SIDT2: variants seen among roughly 807,000 people sequenced by gnomAD.
SIDT2 encodes the protein SID1 transmembrane family, member 2.
In SIDT2, 68 loss-of-function variants were observed where a neutral mutation model predicts 114.4. The ratio of observed to expected loss-of-function variants is 0.59; its 90% CI spans 0.49 to 0.73. SIDT2 has a LOEUF of 0.73. Ranked by LOEUF, SIDT2 falls within the 30% of genes least tolerant of loss-of-function variation. SIDT2 has a pLI of 0.00. For missense variants in SIDT2, 918 were observed against 1,097.1 expected (o/e 0.84, Z 2.31); for synonymous variants, 470 against 438.4 (o/e 1.07, Z -0.90).
chr11:117,192,826 A>G lies in SIDT2; in HGVS notation c.2065A>G (p.Met689Val). Reference protein sequence around the residue: ...QCSGPLYVDRMVLLVMGNVIN... With the variant: ...QCSGPLYVDRVVLLVMGNVIN... Reference sequence around the variant, plus strand: ...TGTCCCTGCTTCCCTCCAGGACCGCATGGTGCTGCTGGTCATGGGCAACGT... The same window carrying G: ...TGTCCCTGCTTCCCTCCAGGACCGCGTGGTGCTGCTGGTCATGGGCAACGT... Residue 689 changes from methionine (M) to valine (V), a missense_variant, in exon 22 of 26, where the codon ATG becomes GTG. By Grantham distance (21) the Met-to-Val change is conservative (BLOSUM62 1). Around this residue, in one of 4 missense-constraint regions of SIDT2, gnomAD observed 275 missense variants for 397.6 expected, o/e 0.69. Coordinates refer to ENST00000324225, the MANE Select transcript of SIDT2 (RefSeq NM_001040455.2). The surrounding 1 kb of genome is among the most constrained non-coding windows in gnomAD (Gnocchi z 5.9). 1 of 1,614,050 alleles carries G rather than the reference A, an allele frequency of 6.2e-7. No individual in the cohort carries two copies. The highest frequency in any genetic ancestry group is 8.5e-7 in the Non-Finnish European group (1 of 1,180,012).
In SIDT2 at chr11:117,190,507, C is replaced by T. The variant is rs780818905; in HGVS notation, c.1618-116C>T. The T allele has an allele frequency of 5.6e-6, 6 of 1,078,918 alleles. No individual in the cohort carries two copies. Among genetic ancestry groups the T allele is most frequent in the East Asian group, 2.6e-5 (1 of 37,794 alleles). 66.8% of individuals were successfully genotyped at this position (1,078,918 alleles called of 1,614,324 possible). ...CAGCCCACCCCTGCACACCCACACT[C>T]GACACATACCCCACCCCTTTTCCTC... On this transcript the variant is annotated intron_variant, in intron 17 of 25. Coordinates refer to ENST00000324225, the MANE Select transcript of SIDT2 (RefSeq NM_001040455.2). The surrounding 1 kb of genome is among the most constrained non-coding windows in gnomAD (Gnocchi z 4.1).
At position 117,184,069 on chromosome 11, in the gene SIDT2, T is replaced by G. The variant is rs1363553159; in HGVS notation, c.803-5T>G. 6.2e-7 allele frequency: 1 copy of G among 1,613,960 alleles called. No individual in the cohort carries two copies. Among genetic ancestry groups the G allele is most frequent in the Non-Finnish European group, 8.5e-7 (1 of 1,180,012 alleles). On this transcript the variant is annotated splice_region_variant and splice_polypyrimidine_tract_variant and intron_variant, in intron 7 of 25. Coordinates refer to ENST00000324225, the MANE Select transcript of SIDT2 (RefSeq NM_001040455.2). ...TAGTTTACCACTTTGACATTTTACT[T>G]CCAGATGAACCGGTCGATCAAGGGC... is the stretch of plus-strand genomic sequence containing the variant.
chr11:117,193,198 C>A lies in SIDT2; in HGVS notation c.2151C>A (p.Tyr717Ter). 1 of 1,614,168 alleles carries A rather than the reference C, an allele frequency of 6.2e-7. No homozygotes were observed. ...TGCGCCCCAATGATTTCGCTTCCTA[C>A]TTGTTGGCCATTGGCATCTGCAACC... is the stretch of plus-strand genomic sequence containing the variant. ...LIMRPNDFAS[Y>*]LLAIGICNLL... Residue 717 changes from tyrosine to a stop codon, truncating the protein, a stop_gained, in exon 23 of 26, where the codon TAC (tyrosine) becomes TAA (stop). Coordinates refer to ENST00000324225, the MANE Select transcript of SIDT2 (RefSeq NM_001040455.2). LOFTEE classifies it high-confidence loss of function.
intron 6 of SIDT2, 56 bp downstream of exon 6, chr11:117,182,862 T>A: frequency 1.9e-6 from 3 of 1,555,640 alleles, no homozygotes. Flanking sequence ...GCTGTGTAGC[T>A]TTCCAAACTT....
intron 15 of SIDT2, chr11:117,189,602 G>C: frequency 6.4e-6 from 4 of 627,872 alleles, no homozygotes; most frequent in South Asian, 3.9e-5. Flanking sequence ...CAAAATGGGA[G>C]CAGCCCGCAC....
rs769268385 is a variant in SIDT2 at position 117,189,163 on chromosome 11, C to T, written c.1279-6C>T. On this transcript the variant is annotated splice_polypyrimidine_tract_variant and splice_region_variant and intron_variant, in intron 13 of 25. Transcript: ENST00000324225. ...GTAAGTGGGGCTGATTCCAGCTTCTCCCCAGCAATACCTCTATGTGGCTGA... is the reference window on the plus strand; with the variant it reads ...GTAAGTGGGGCTGATTCCAGCTTCTTCCCAGCAATACCTCTATGTGGCTGA... 1.7e-5 allele frequency: 27 copies of T among 1,614,106 alleles called. No individual in the cohort carries two copies. The Admixed American group carries it at 2.7e-4, about 16-fold the overall frequency.
intron 6 of SIDT2, among the ~76,000 whole-genome samples, chr11:117,183,304 C>G (rs1385865889): frequency 1.3e-5 from 2 of 151,870 alleles, no homozygotes; most frequent in Non-Finnish European, 2.9e-5. Context: ...GAGATCACAC[C>G]ACTGCACTCC....
intron 1 of SIDT2, 175 bp downstream of exon 1, chr11:117,179,621 T>C: frequency 1.6e-6 from 1 of 611,802 alleles, no homozygotes; most frequent in Admixed American, 3.4e-5. Flanking sequence ...TTGCCACCAA[T>C]GTTTCTCTGA....
rs147785836 is a variant in SIDT2, at chr11:117,187,698, G to A, written c.1158G>A (p.Gln386=). Residue 386 remains glutamine, a splice_region_variant and synonymous_variant, in exon 12 of 26, where the codon CAG becomes CAA. Transcript: ENST00000324225. The part of the protein sequence containing the change: ...AGTGDLSYGY[Q]GRSFEPVGTR... ...CTGGGGACCTCTCTTACGGTTACCA[G>A]GGTGAGTGGGCCAGGCTGGGAGGGG... is the stretch of plus-strand genomic sequence containing the variant. 2.7e-5 allele frequency: 43 copies of A among 1,614,042 alleles called. No homozygotes were observed. The African/African-American group carries it at 4.8e-4, about 18-fold the overall frequency.
chr11:117,186,856 T>C (rs2030515691), intron 10 of SIDT2: 2 of 1,108,524 alleles, frequency 1.8e-6, no homozygotes, highest in South Asian at 2.7e-5. Flanking sequence ...GTTTATTCCA[T>C]GTCTAGCGAT....
chr11:117,186,755 TG>T, intron 10 of SIDT2, 119 bp downstream of exon 10: 1 of 743,054 alleles, frequency 1.3e-6, no homozygotes, highest in Non-Finnish European at 2.0e-6. Context: ...GATGTTCAGA[TG>T]GGGGTAACAC....
chr11:117,185,620 A>G (rs1423193711), intron 8 of SIDT2, among the ~76,000 whole-genome samples: 10 of 152,108 alleles, frequency 6.6e-5, no homozygotes, highest in South Asian at 2.1e-4. Flanking sequence ...GCTCACGCCT[A>G]TAATCCCAGA....
rs552369009 is a variant in SIDT2 at position 117,188,303 on chromosome 11, C to T, written c.1160-405C>T. 3.2e-6 allele frequency: 1 copy of T among 312,564 alleles called. No homozygotes were observed. The highest frequency in any genetic ancestry group is 3.1e-5 in the South Asian group (1 of 32,696). The allele number at this position is 312,564 out of a possible 1,614,324, so 19.4% of individuals were successfully genotyped here. A position where few individuals can be genotyped will look rare whatever the true frequency, so the allele number is the denominator to read the frequency against. ...ACCCCAGGCCCACTGGGTCTTTAAC[C>T]CAGTGGCAGCCAAGGCAGTGTCTTC... On this transcript the variant is annotated intron_variant, in intron 12 of 25. Coordinates refer to ENST00000324225, the MANE Select transcript of SIDT2 (RefSeq NM_001040455.2). The surrounding 1 kb of genome is among the most constrained non-coding windows in gnomAD (Gnocchi z 4.0).
In SIDT2 at chr11:117,189,170, A is replaced by G; in HGVS notation, c.1280A>G (p.Gln427Arg). ...DSDKNVIRTKQYLYVADLARK... is the reference protein window; with the variant it reads ...DSDKNVIRTKRYLYVADLARK... ...GGGCTGATTCCAGCTTCTCCCCAGCAATACCTCTATGTGGCTGACCTGGCA... is the reference window on the plus strand; with the variant it reads ...GGGCTGATTCCAGCTTCTCCCCAGCGATACCTCTATGTGGCTGACCTGGCA... The change falls in exon 14 of 26, where the codon CAA becomes CGA. Residue 427 changes from glutamine (Q) to arginine (R), a missense_variant and splice_region_variant. Around this residue, in one of 4 missense-constraint regions of SIDT2, gnomAD observed 553 missense variants for 600.1 expected, o/e 0.92. Transcript: ENST00000324225. 1 of 1,614,192 alleles carries G rather than the reference A, an allele frequency of 6.2e-7. No homozygotes were observed. The highest frequency in any genetic ancestry group is 8.5e-7 in the Non-Finnish European group (1 of 1,180,004).
At position 117,194,144 on chromosome 11, in the gene SIDT2, T is replaced by TA. The variant is rs2030804576; in HGVS notation, c.2322+188dup. ...AGTAAGAACCCGTCTCTACAAAAAA[T>TA]AAAAAAATAAAAATAAAAAAATTAG... On this transcript the variant is annotated intron_variant, in intron 24 of 25. Transcript: ENST00000324225. 15 of 522,642 alleles carry TA rather than the reference T, an allele frequency of 2.9e-5. No homozygotes were observed. The South Asian group carries it at 3.8e-4, about 13-fold the overall frequency. 32.4% of individuals were successfully genotyped at this position (522,642 alleles called of 1,614,324 possible). A position where few individuals can be genotyped will look rare whatever the true frequency, so the allele number is the denominator to read the frequency against.
In SIDT2 at chr11:117,183,702, C is replaced by T. The variant is rs1034538787; in HGVS notation, c.703-77C>T. The T allele has an allele frequency of 4.7e-6, 5 of 1,061,074 alleles. No homozygotes were observed. The African/African-American group carries it at 7.9e-5, about 17-fold the overall frequency. 65.7% of individuals were successfully genotyped at this position (1,061,074 alleles called of 1,614,324 possible). A position where few individuals can be genotyped will look rare whatever the true frequency, so the allele number is the denominator to read the frequency against. Reference sequence around the variant, plus strand: ...ATCTATGAAGAATTTAGCATAATGTCTGGCCCCAGAACAAGTATTTAGAAA... The same window carrying T: ...ATCTATGAAGAATTTAGCATAATGTTTGGCCCCAGAACAAGTATTTAGAAA... On this transcript the variant is annotated intron_variant, in intron 6 of 25. Transcript: ENST00000324225.
chr11:117,187,827 C>A, intron 12 of SIDT2, 128 bp downstream of exon 12: 1 of 847,396 alleles, frequency 1.2e-6, no homozygotes, highest in East Asian at 2.6e-5. Flanking sequence ...CTTCCTAACC[C>A]CTCTCTTCCC....
At chr11:117,193,294 C>T in intron 23 of SIDT2, 36 bp downstream of exon 23, 1 of 1,542,938 alleles carries the variant, frequency 6.5e-7, no homozygotes, top group South Asian at 1.1e-5. Flanking sequence ...CTGTCAGCTG[C>T]TCTGCTATCT....
At chr11:117,184,318 T>C (rs1393538975) in intron 8 of SIDT2, among the ~76,000 whole-genome samples, 179 bp downstream of exon 8, 1 of 152,078 alleles carries the variant, frequency 6.6e-6, no homozygotes, top group East Asian at 1.9e-4. Context: ...TGAGTTCCAG[T>C]GTGATGTGGT....
Sources: allele counts gnomAD v4.1 joint callset (sites outside exome capture counted in the v4.1 genomes callset), GRCh38; gene constraint gnomAD v4.1.1; regional missense constraint gnomAD v4.1.1; non-coding constraint Gnocchi (gnomAD v3.1); transcripts MANE v1.5; gene names NCBI Gene and HGNC (gene_info 2026-07-23, HGNC 2026-07-21).